Variants in TRAPPC9 observed in about 807,000 individuals in gnomAD.
TRAPPC9 encodes trafficking protein particle complex subunit 9.
In TRAPPC9, 83 loss-of-function variants were observed where a neutral mutation model predicts 124.0. The ratio of observed to expected loss-of-function variants is 0.67; its 90% CI spans 0.56 to 0.80. The LOEUF (loss-of-function observed/expected upper bound fraction) is 0.80. Among genes scored for constraint, TRAPPC9 ranks in the 30% least tolerant of loss-of-function variants. TRAPPC9 has a pLI of 0.00. For synonymous variants in TRAPPC9, 638 were observed against 617.5 expected, an observed-to-expected ratio of 1.03 and a Z score of -0.49; for missense variants, 1,302 against 1,508.3, an observed-to-expected ratio of 0.86 and a Z score of 2.27.
chr8:139,769,993 G>A (rs1820847976), intron 21 of TRAPPC9, among the ~76,000 whole-genome samples: 1 of 152,222 alleles, frequency 6.6e-6, no homozygotes. Context: ...GGGGCACGGG[G>A]CAGGCAGGTT....
At chr8:140,024,948 G>A (rs572103480) in intron 17 of TRAPPC9, among the ~76,000 whole-genome samples, 2 of 152,248 alleles carry the variant, frequency 1.3e-5, no homozygotes, top group South Asian at 4.2e-4. Context: ...GACTTCCCAG[G>A]GCAACCAAGG....
At chr8:139,922,656 G>A (rs1832583922) in intron 19 of TRAPPC9, among the ~76,000 whole-genome samples, 1 of 152,230 alleles carries the variant, frequency 6.6e-6, no homozygotes, top group African/African-American at 2.4e-5. Flanking sequence ...AGGTGAGGCA[G>A]GGCTTCCTCC....
chr8:140,323,915 G>A (rs1563945323), intron 9 of TRAPPC9, among the ~76,000 whole-genome samples: 1 of 152,044 alleles, frequency 6.6e-6, no homozygotes, highest in Non-Finnish European at 1.5e-5. Context: ...TATTTGCATA[G>A]GTTTTCGGGG....
chr8:140,107,954 G>A (rs906929583), intron 17 of TRAPPC9, among the ~76,000 whole-genome samples: 1 of 151,668 alleles, frequency 6.6e-6, no homozygotes, highest in African/African-American at 2.4e-5. Flanking sequence ...CAAAATGTGT[G>A]TGGTGGGGGT....
At position 140,216,272 on chromosome 8, in the gene TRAPPC9, A is replaced by G. The variant is rs1174905755; in HGVS notation, c.2556+5187T>C. 1.3e-5 allele frequency among the ~76,000 whole-genome samples: 2 copies of G among 152,244 alleles called. No individual in the cohort carries two copies. Among genetic ancestry groups the G allele is most frequent in the Non-Finnish European group, 2.9e-5 (2 of 68,050 alleles). On this transcript the variant is annotated intron_variant, in intron 17 of 22. Coordinates refer to ENST00000438773, the MANE Select transcript of TRAPPC9 (RefSeq NM_001160372.4). This position sits in a 1 kb window ranked among gnomAD's most constrained non-coding sequence, Gnocchi z 4.1. ...ACGGTAATGATATTTTAATCATTAC[A>G]TTTAAATACATGTACGAACATTCAT...
chr8:140,264,852 T>A (rs1020546601), intron 15 of TRAPPC9, among the ~76,000 whole-genome samples: 2 of 152,158 alleles, frequency 1.3e-5, no homozygotes, highest in African/African-American at 4.8e-5. Flanking sequence ...AGCACTGTGT[T>A]AGGTCCTCCA....
chr8:140,219,892 C>A (rs773489802), intron 17 of TRAPPC9, among the ~76,000 whole-genome samples: 3 of 152,194 alleles, frequency 2.0e-5, no homozygotes, highest in Non-Finnish European at 4.4e-5. Context: ...AACAGCCCTG[C>A]AGTTTGACAG....
chr8:139,929,841 G>A (rs374112929), intron 19 of TRAPPC9, among the ~76,000 whole-genome samples: 4 of 152,196 alleles, frequency 2.6e-5, no homozygotes, highest in African/African-American at 7.2e-5. Flanking sequence ...GCTGGGATGG[G>A]CCTCTGGGGT....
chr8:139,777,895 G>A (rs1821503550), intron 21 of TRAPPC9, among the ~76,000 whole-genome samples: 1 of 152,126 alleles, frequency 6.6e-6, no homozygotes, highest in Non-Finnish European at 1.5e-5. Flanking sequence ...TGTGAGTTGA[G>A]GAGCTGGAAC....
At chr8:140,351,948 T>C (rs2067593953) in intron 9 of TRAPPC9, among the ~76,000 whole-genome samples, 1 of 152,200 alleles carries the variant, frequency 6.6e-6, no homozygotes, top group Non-Finnish European at 1.5e-5. Flanking sequence ...ATCACACAGT[T>C]GTGCAACAAC....
At chr8:140,239,566 G>C (rs1247651751) in intron 16 of TRAPPC9, among the ~76,000 whole-genome samples, 1 of 152,126 alleles carries the variant, frequency 6.6e-6, no homozygotes, top group African/African-American at 2.4e-5. Flanking sequence ...CCTTTGCTCG[G>C]GACTCACTGG....
intron 19 of TRAPPC9, among the ~76,000 whole-genome samples, chr8:139,970,784 G>C (rs1394698749): frequency 6.6e-6 from 1 of 152,146 alleles, no homozygotes; most frequent in Non-Finnish European, 1.5e-5. Flanking sequence ...TGCCAGGCCT[G>C]CAATGCGCAG....
rs59201512 is a variant in TRAPPC9, at chr8:139,736,825, C to A, written c.3056-4623G>T. ...CCAATTCGCTTCTCTGACTCTGGGC[C>A]CGAACAAGCGGTGTCCAGTCCTGGG... On this transcript the variant is annotated intron_variant, in intron 21 of 22. Coordinates refer to ENST00000438773, the MANE Select transcript of TRAPPC9 (RefSeq NM_001160372.4). Among the ~76,000 whole-genome samples, 681 of 152,266 alleles carry A rather than the reference C, an allele frequency of 4.5e-3. 9 individuals are homozygous for A. The highest frequency in any genetic ancestry group is 0.016 in the African/African-American group (666 of 41,546).
intron 5 of TRAPPC9, among the ~76,000 whole-genome samples, chr8:140,424,580 G>A (rs927851974): frequency 5.3e-5 from 8 of 150,016 alleles, no homozygotes; most frequent in African/African-American, 1.7e-4. Flanking sequence ...AGTGAGCTAG[G>A]ATCGCGCCTG....
Position 139,846,703 on chromosome 8 carries a change from C to T in TRAPPC9, c.3055+39176G>A, listed in dbSNP as rs141304418. ...CTGATACATTCAAAACTCTGACAGA[C>T]GCGAGGCCATCCCGGAGTTGGGCAT... On this transcript the variant is annotated intron_variant, in intron 21 of 22. Coordinates refer to ENST00000438773, the MANE Select transcript of TRAPPC9 (RefSeq NM_001160372.4). Among the ~76,000 whole-genome samples, 927 of 152,322 alleles carry T rather than the reference C, an allele frequency of 6.1e-3. 2 individuals carry two copies. Among genetic ancestry groups the T allele is most frequent in the South Asian group, 7.9e-3 (38 of 4,828 alleles).
intron 19 of TRAPPC9, among the ~76,000 whole-genome samples, chr8:139,978,158 G>A (rs1487675123): frequency 1.3e-5 from 2 of 152,224 alleles, no homozygotes; most frequent in Non-Finnish European, 2.9e-5. Flanking sequence ...GATGACAGGT[G>A]TGAGCCACGG....
intron 17 of TRAPPC9, among the ~76,000 whole-genome samples, chr8:140,208,296 T>G (rs960327632): frequency 2.0e-5 from 3 of 152,288 alleles, no homozygotes; most frequent in African/African-American, 2.4e-5. Flanking sequence ...ACACCGGAAG[T>G]GTCCGTAAGG....
chr8:140,370,459 C>T (rs937615946), intron 8 of TRAPPC9, among the ~76,000 whole-genome samples: 2 of 152,120 alleles, frequency 1.3e-5, no homozygotes, highest in East Asian at 3.9e-4. Context: ...GTTTTTTCTC[C>T]TTCTAATCAG....
At chr8:140,425,251 C>T (rs771403248) in intron 5 of TRAPPC9, among the ~76,000 whole-genome samples, 3 of 152,212 alleles carry the variant, frequency 2.0e-5, no homozygotes, top group Admixed American at 6.5e-5. Flanking sequence ...GGGGCCAGGA[C>T]GGCATCTCAT....
Sources: gnomAD v4.1 joint callset for allele counts (sites outside exome capture counted in the v4.1 genomes callset) on GRCh38, gnomAD v4.1.1 for gene constraint, Gnocchi (gnomAD v3.1) non-coding constraint, MANE v1.5 for transcripts, NCBI Gene and HGNC (gene_info 2026-07-23, HGNC 2026-07-21) for gene names.